The following HDAC5 variants were observed in gnomAD, a reference collection of about 807,000 sequenced individuals.
The protein encoded by HDAC5 is antigen NY-CO-9.
A neutral mutation model predicts 133.3 loss-of-function variants in HDAC5; 25 were observed. The observed-to-expected ratio is 0.19, with a 90% CI of 0.14 to 0.26. The LOEUF (loss-of-function observed/expected upper bound fraction) is 0.26, where lower values mean the gene tolerates loss of function less well. HDAC5 is among the 10% of genes least tolerant of loss of function. HDAC5 has a pLI of 1.00. For missense variants in HDAC5, 1,041 were observed against 1,460.5 expected, an observed-to-expected ratio of 0.71 and a Z score of 4.68; for synonymous variants, 589 against 610.8, an observed-to-expected ratio of 0.96 and a Z score of 0.53.
In HDAC5 at chr17:44,080,165, C is replaced by G. The variant is rs1159373114; in HGVS notation, c.2886G>C (p.Gly962=). The G allele has an allele frequency of 2.5e-6, 4 of 1,614,158 alleles. 1 individual carries two copies. The highest frequency in any genetic ancestry group is 3.4e-6 in the Non-Finnish European group (4 of 1,180,040). ...ACAGATGTCCTTCAACAGCATCAAA[C>G]CCGGCGGAGACTAGGACCACATCAG... ...FSPDVVLVSA[G]FDAVEGHLSP... The change falls in exon 23 of 27, where the codon GGG becomes GGC. Residue 962 remains glycine (G), a synonymous_variant. Transcript: ENST00000682912.
chr17:44,095,850 T>C (rs946802505), intron 3 of HDAC5, among the ~76,000 whole-genome samples: 8 of 151,816 alleles, frequency 5.3e-5, no homozygotes, highest in African/African-American at 1.9e-4. Flanking sequence ...ACTCTGGTCT[T>C]ACGGAGAACC....
At chr17:44,098,595 T>C (rs2051403571) in intron 3 of HDAC5, among the ~76,000 whole-genome samples, 1 of 147,194 alleles carries the variant, frequency 6.8e-6, no homozygotes, top group South Asian at 2.2e-4. Flanking sequence ...CAAAGATTAG[T>C]TGGGTGCGGT....
At position 44,078,252 on chromosome 17, in the gene HDAC5, A is replaced by G; in HGVS notation, c.*124T>C. On this transcript the variant is annotated 3_prime_UTR_variant, in exon 27 of 27. Transcript: ENST00000682912. The stretch of plus-strand genomic sequence containing the variant: ...CTGGGGGCCTGAGGCAGCGTAGAGG[A>G]GCAGGAGGGGCAAGGCTGAGAGACC... The G allele has an allele frequency of 9.8e-7, 1 of 1,019,438 alleles. No individual in the cohort carries two copies. Among genetic ancestry groups the G allele is most frequent in the Non-Finnish European group, 1.4e-6 (1 of 724,338 alleles). 63.1% of individuals were successfully genotyped at this position (1,019,438 alleles called of 1,614,324 possible). A position where few individuals can be genotyped will look rare whatever the true frequency, so the allele number is the denominator to read the frequency against.
chr17:44,091,186 G>A (rs1425873400), intron 11 of HDAC5, 84 bp downstream of exon 11: 3 of 1,000,346 alleles, frequency 3.0e-6, no homozygotes, highest in Non-Finnish European at 4.6e-6. Flanking sequence ...TCTGCTAAGG[G>A]GAACTGTGAC....
At chr17:44,082,031 T>C (rs887187647) in intron 20 of HDAC5, 1 of 152,424 alleles carries the variant, frequency 6.6e-6, no homozygotes, top group Non-Finnish European at 1.5e-5. Context: ...GCCTCCACCA[T>C]TAGGAGCAGG....
rs1470185149 is a variant in HDAC5, at chr17:44,077,211, C to T, written c.*1165G>A. The T allele has an allele frequency of 6.5e-6, 1 of 152,690 alleles. No individual in the cohort carries two copies. The highest frequency in any genetic ancestry group is 1.9e-4 in the East Asian group (1 of 5,198). The allele number at this position is 152,690 out of a possible 1,614,324, so 9.5% of individuals were successfully genotyped here. On this transcript the variant is annotated 3_prime_UTR_variant, in exon 27 of 27. Coordinates refer to ENST00000682912, the MANE Select transcript of HDAC5 (RefSeq NM_005474.5). The stretch of plus-strand genomic sequence containing the variant: ...GTTTCCTACAGGCTGGATGGCATCC[C>T]CTGGAAGCCTTGTAGGCCCACAGCC...
intron 11 of HDAC5, 114 bp downstream of exon 11, chr17:44,091,155 GA>G (rs2050926205): frequency 1.2e-6 from 1 of 822,998 alleles, no homozygotes; most frequent in South Asian, 1.5e-5. Flanking sequence ...GAATGTGGAA[GA>G]AATCACTGAT....
chr17:44,079,111 C>T, intron 24 of HDAC5, 33 bp downstream of exon 24: 1 of 1,599,406 alleles, frequency 6.3e-7, no homozygotes, highest in Non-Finnish European at 8.5e-7. Flanking sequence ...AGACCTCTGG[C>T]CTGCCACCTC....
In HDAC5 at chr17:44,117,564, G is replaced by C. The variant is rs780656225; in HGVS notation, c.-49C>G. 2.5e-6 allele frequency: 4 copies of C among 1,603,764 alleles called. No homozygotes were observed. The highest frequency in any genetic ancestry group is 3.4e-6 in the Non-Finnish European group (4 of 1,173,098). ...CTGGCGTTGGGGGCTGGGACGGGAG[G>C]GGGTGGAGCTGCGGTGATGTCAAGA... On this transcript the variant is annotated 5_prime_UTR_variant, in exon 2 of 27. Transcript: ENST00000682912. This position sits in a 1 kb window ranked among gnomAD's most constrained non-coding sequence, Gnocchi z 4.2.
chr17:44,081,012 G>T lies in HDAC5; in HGVS notation c.2608-130C>A. 5.6e-6 allele frequency: 7 copies of T among 1,244,150 alleles called. 1 individual carries two copies. Among genetic ancestry groups the T allele is most frequent in the South Asian group, 2.7e-5 (2 of 72,786 alleles). 77.1% of individuals were successfully genotyped at this position (1,244,150 alleles called of 1,614,324 possible). A position where few individuals can be genotyped will look rare whatever the true frequency, so the allele number is the denominator to read the frequency against. ...ATTTTGGGAGGCTGAGGGCTGGGAG[G>T]ATCGCTTGAGCCCAGGACTCCACCC... On this transcript the variant is annotated intron_variant, in intron 20 of 26. Coordinates refer to ENST00000682912, the MANE Select transcript of HDAC5 (RefSeq NM_005474.5).
chr17:44,087,328 G>A lies in HDAC5; in HGVS notation c.1884+84C>T, dbSNP rs73308513. ...CACAGCCTGGAAACTGCAGATGGGGGAGAGGGAAAGACAAGGGCAGAGGCA... is the reference window on the plus strand; with the variant it reads ...CACAGCCTGGAAACTGCAGATGGGGAAGAGGGAAAGACAAGGGCAGAGGCA... On this transcript the variant is annotated intron_variant, in intron 13 of 26. Transcript: ENST00000682912. 857 of 688,520 alleles carry A rather than the reference G, an allele frequency of 1.2e-3. 7 individuals are homozygous for A. The African/African-American group carries it at 0.014, about 12-fold the overall frequency. 42.7% of individuals were successfully genotyped at this position (688,520 alleles called of 1,614,324 possible).
chr17:44,091,520 A>C (rs1293200441), intron 10 of HDAC5, 28 bp from the exon 11 acceptor site: 4 of 1,537,496 alleles, frequency 2.6e-6, no homozygotes, highest in Non-Finnish European at 8.7e-7. Flanking sequence ...GGGCTTATAC[A>C]GCCTCAGTCC....
At chr17:44,093,533 G>A (rs1371664423) in intron 4 of HDAC5, 42 bp downstream of exon 4, 1 of 1,597,768 alleles carries the variant, frequency 6.3e-7, no homozygotes, top group African/African-American at 1.3e-5. Context: ...GCCCGGGCGG[G>A]GATCGGAGGT....
chr17:44,110,560 G>A lies in HDAC5; in HGVS notation c.94+169C>T, dbSNP rs1353646380. On this transcript the variant is annotated intron_variant, in intron 3 of 26. Transcript: ENST00000682912. ...GGGAGCAGCAGGCTCTGGGCAGGGAGGGCAGGGGCCTCTCTGAGCAGGGAT... is the reference window on the plus strand; with the variant it reads ...GGGAGCAGCAGGCTCTGGGCAGGGAAGGCAGGGGCCTCTCTGAGCAGGGAT... Among the ~76,000 whole-genome samples the A allele has an allele frequency of 5.4e-4, 82 of 152,210 alleles. 1 individual carries two copies. The highest frequency in any genetic ancestry group is 5.3e-3 in the Admixed American group (81 of 15,280).
chr17:44,123,378 G>T (rs922471013), intron 1 of HDAC5, 126 bp downstream of exon 1: 18 of 339,674 alleles, frequency 5.3e-5, no homozygotes, highest in Middle Eastern at 7.9e-4. Context: ...CGGGAGGAAG[G>T]AAGGGGGGCG....
Position 44,095,807 on chromosome 17 carries a change from G to A in HDAC5, c.95-1973C>T, listed in dbSNP as rs74734434. Among the ~76,000 whole-genome samples the A allele has an allele frequency of 6.7e-3, 1,018 of 152,212 alleles. 22 individuals are homozygous for A. Among genetic ancestry groups the A allele is most frequent in the African/African-American group, 0.023 (967 of 41,520 alleles). ...CAGACAGGAAGAAGGGTAACAGCAGGGGGAGGGCAGGAGCTTCGGCAGAGA... is the reference window on the plus strand; with the variant it reads ...CAGACAGGAAGAAGGGTAACAGCAGAGGGAGGGCAGGAGCTTCGGCAGAGA... On this transcript the variant is annotated intron_variant, in intron 3 of 26. Coordinates refer to ENST00000682912, the MANE Select transcript of HDAC5 (RefSeq NM_005474.5).
At chr17:44,106,875 T>C (rs1178957295) in intron 3 of HDAC5, among the ~76,000 whole-genome samples, 1 of 151,362 alleles carries the variant, frequency 6.6e-6, no homozygotes, top group African/African-American at 2.4e-5. Flanking sequence ...AAAGTAGCTT[T>C]TATGTGGATT....
At chr17:44,114,883 C>G (rs2052561235) in intron 2 of HDAC5, among the ~76,000 whole-genome samples, 1 of 152,204 alleles carries the variant, frequency 6.6e-6, no homozygotes. Flanking sequence ...AGCAGGCAAC[C>G]CCATCAATAG....
At chr17:44,079,404 G>A in intron 23 of HDAC5, 127 bp from the exon 24 acceptor site, 1 of 834,872 alleles carries the variant, frequency 1.2e-6, no homozygotes, top group South Asian at 1.7e-5. Context: ...CACTTTGGGA[G>A]GCCAAGGCGG....
Sources: allele counts gnomAD v4.1 joint callset (sites outside exome capture counted in the v4.1 genomes callset), GRCh38; gene constraint gnomAD v4.1.1; non-coding constraint Gnocchi (gnomAD v3.1); transcripts MANE v1.5; gene names NCBI Gene and HGNC (gene_info 2026-07-23, HGNC 2026-07-21).